The following TREM1 variants were observed in gnomAD, a reference collection of about 807,000 sequenced individuals.
The protein encoded by TREM1 is triggering receptor expressed on myeloid cells 1.
Under a neutral mutation model 22.4 loss-of-function variants are expected in TREM1, and 16 were observed. The ratio of observed to expected loss-of-function variants is 0.71; its 90% CI spans 0.48 to 1.08. The LOEUF (loss-of-function observed/expected upper bound fraction) is 1.08. TREM1 is among the 50% of genes least tolerant of loss of function. TREM1 has a pLI of 0.00. For missense variants in TREM1, 283 were observed against 282.9 expected (o/e 1.00, Z 0.00); for synonymous variants, 110 against 111.6 (o/e 0.99, Z 0.09).
intron 3 of TREM1, 62 bp downstream of exon 3, chr6:41,280,899 A>G: frequency 1.9e-6 from 3 of 1,612,122 alleles, no homozygotes; most frequent in Non-Finnish European, 2.5e-6. Context: ...CTCTCAGCAC[A>G]CAGACTGGGA....
At chr6:41,281,990 T>G in intron 2 of TREM1, 1 of 208,150 alleles carries the variant, frequency 4.8e-6, no homozygotes, top group Non-Finnish European at 9.8e-6. Flanking sequence ...TCAGTTGGAG[T>G]GTGCATTTGA....
rs747669933 is a variant in TREM1 at position 41,281,152 on chromosome 6, A to G, written c.408T>C (p.Gly136=). ...CATTGGAGCCAGGGGTCCCTGAAAA[A>G]CCTGCAAGAAGACACATTGGATGGA... ...FDRIRLVVTK[G]FSGTPGSNEN... is the part of the protein sequence containing the mutation. The change falls in exon 3 of 4, where the codon GGT becomes GGC. Residue 136 remains glycine (G), a splice_region_variant and synonymous_variant. Transcript: ENST00000244709. The G allele has an allele frequency of 6.2e-7, 1 of 1,612,868 alleles. No homozygotes were observed. Among genetic ancestry groups the G allele is most frequent in the South Asian group, 1.1e-5 (1 of 91,008 alleles).
intron 2 of TREM1, 130 bp from the exon 3 acceptor site, chr6:41,281,283 A>G: frequency 1.8e-6 from 2 of 1,094,318 alleles, no homozygotes. Context: ...TGGTACGGTA[A>G]ATGAAGCTGA....
chr6:41,267,630 T>C (rs1767366019), downstream of TREM1, among the ~76,000 whole-genome samples: 1 of 152,074 alleles, frequency 6.6e-6, no homozygotes, highest in Non-Finnish European at 1.5e-5. Flanking sequence ...TGGTAGTTCA[T>C]GGCTATAATC....
chr6:41,268,023 T>C, exon 4 of TREM1: 1 of 398,666 alleles, frequency 2.5e-6, no homozygotes, highest in Non-Finnish European at 4.4e-6. Context: ...GTGCCCAGTG[T>C]GCAGTGGTGG....
intron 1 of TREM1, among the ~76,000 whole-genome samples, chr6:41,283,460 C>T (rs1264380427): frequency 1.3e-5 from 2 of 152,102 alleles, no homozygotes; most frequent in African/African-American, 4.8e-5. Context: ...CATGTAATCC[C>T]ACACTTTGGG....
In TREM1 at chr6:41,286,619, G is replaced by A. The variant is rs746990105; in HGVS notation, c.37C>T (p.Leu13Phe). 1.2e-6 allele frequency: 2 copies of A among 1,613,952 alleles called. No homozygotes were observed. Among genetic ancestry groups the A allele is most frequent in the Non-Finnish European group, 1.7e-6 (2 of 1,179,966 alleles). ...KTRLWGLLWMLFVSELRAATK... is the reference protein window; with the variant it reads ...KTRLWGLLWMFFVSELRAATK... ...TTCCTTGTCTTACCTGAGACAAAGA[G>A]CATCCACAGCAGCCCCCAGAGCCTG... The change falls in exon 1 of 4, where the codon CTC (leucine) becomes TTC (phenylalanine). Residue 13 changes from leucine (L) to phenylalanine (F), a missense_variant. Physicochemically the swap from Leu to Phe is conservative, Grantham distance 22. Coordinates refer to ENST00000244709, the MANE Select transcript of TREM1 (RefSeq NM_018643.5).
Position 41,273,650 on chromosome 6 carries a change from A to G in TREM1, c.*2475T>C, listed in dbSNP as rs1183936335. ...TTTAATAAACATGTGCATAGAATTT[A>G]GGGAATCCAGTAAGGGGTGCTTCAG... On this transcript the variant is annotated 3_prime_UTR_variant, in exon 4 of 4. Coordinates refer to ENST00000244709, the MANE Select transcript of TREM1 (RefSeq NM_018643.5). Among the ~76,000 whole-genome samples the G allele has an allele frequency of 6.6e-6, 1 of 152,244 alleles. No individual in the cohort carries two copies. Among genetic ancestry groups the G allele is most frequent in the Non-Finnish European group, 1.5e-5 (1 of 68,040 alleles).
rs758904530 is a variant in TREM1 at position 41,286,633 on chromosome 6, C to T, written c.23G>A (p.Gly8Glu). 2 of 1,614,082 alleles carry T rather than the reference C, an allele frequency of 1.2e-6. No homozygotes were observed. Among genetic ancestry groups the T allele is most frequent in the East Asian group, 2.2e-5 (1 of 44,872 alleles). Residue 8 changes from glycine (G) to glutamate (E), a missense_variant, in exon 1 of 4, where the codon GGG becomes GAG. Coordinates refer to ENST00000244709, the MANE Select transcript of TREM1 (RefSeq NM_018643.5). MRKTRLWGLLWMLFVSEL... is the reference protein window; with the variant it reads MRKTRLWELLWMLFVSEL... ...TGAGACAAAGAGCATCCACAGCAGC[C>T]CCCAGAGCCTGGTCTTCCTCATCCT...
downstream of TREM1, among the ~76,000 whole-genome samples, chr6:41,270,505 T>A (rs183938541): frequency 6.7e-6 from 1 of 150,082 alleles, no homozygotes; most frequent in Admixed American, 6.6e-5. Context: ...CCTACCCATA[T>A]GGAGCAAATA....
At chr6:41,277,774 A>G (rs541149163) in intron 3 of TREM1, among the ~76,000 whole-genome samples, 2 of 152,200 alleles carry the variant, frequency 1.3e-5, no homozygotes, top group South Asian at 4.1e-4. Flanking sequence ...GAGCTCCTTA[A>G]CAAGACTGAG....
chr6:41,277,356 G>A (rs1332359789), intron 3 of TREM1, among the ~76,000 whole-genome samples: 1 of 149,252 alleles, frequency 6.7e-6, no homozygotes, highest in African/African-American at 2.4e-5. Context: ...AGGGGGCAGA[G>A]ACGGGGGCAG....
downstream of TREM1, among the ~76,000 whole-genome samples, chr6:41,272,223 C>A (rs1181506116): frequency 6.6e-6 from 1 of 152,120 alleles, no homozygotes; most frequent in African/African-American, 2.4e-5. Flanking sequence ...ATGTCACAGT[C>A]CTGATGGGAA....
intron 3 of TREM1, among the ~76,000 whole-genome samples, chr6:41,276,582 C>T (rs567576095): frequency 6.6e-6 from 1 of 152,270 alleles, no homozygotes; most frequent in Admixed American, 6.5e-5. Flanking sequence ...GTCATCTCAC[C>T]TCTTTAGCTC....
chr6:41,278,190 T>C (rs1463258660), intron 3 of TREM1, among the ~76,000 whole-genome samples: 2 of 151,980 alleles, frequency 1.3e-5, no homozygotes, highest in East Asian at 2.0e-4. Flanking sequence ...CCTGCCAAAG[T>C]GCTGGGATTA....
downstream of TREM1, among the ~76,000 whole-genome samples, chr6:41,269,642 C>A (rs571603385): frequency 2.0e-5 from 3 of 152,298 alleles, 1 homozygote; most frequent in South Asian, 6.2e-4. Flanking sequence ...AGTCCAACAT[C>A]CTTGTCTTAC....
At chr6:41,286,048 G>A (rs1394184806) in intron 1 of TREM1, among the ~76,000 whole-genome samples, 1 of 152,204 alleles carries the variant, frequency 6.6e-6, no homozygotes, top group Non-Finnish European at 1.5e-5. Context: ...AAGAGCTGGG[G>A]CATGCGCCGG....
downstream of TREM1, among the ~76,000 whole-genome samples, chr6:41,272,678 C>CT (rs1767516364): frequency 6.6e-6 from 1 of 152,008 alleles, no homozygotes; most frequent in South Asian, 2.1e-4. Flanking sequence ...AAGATGGACC[C>CT]TGCAGCATGT....
At chr6:41,280,680 A>G (rs1561920423) in intron 3 of TREM1, 15 of 1,416,316 alleles carry the variant, frequency 1.1e-5, no homozygotes, top group Non-Finnish European at 1.4e-5. Flanking sequence ...GATGAGCTCC[A>G]CTGGAACTTG....
Sources: gnomAD v4.1 joint callset for allele counts (sites outside exome capture counted in the v4.1 genomes callset) on GRCh38, gnomAD v4.1.1 for gene constraint, MANE v1.5 for transcripts, NCBI Gene and HGNC (gene_info 2026-07-23, HGNC 2026-07-21) for gene names.